The following SEM1 variants were observed in gnomAD, a reference collection of about 807,000 sequenced individuals.
SEM1 encodes SEM1 26S proteasome subunit.
Under a neutral mutation model 12.7 loss-of-function variants are expected in SEM1, and 3 were observed. The ratio of observed to expected loss-of-function variants is 0.24; its 90% CI spans 0.11 to 0.61. The LOEUF is 0.61. Among genes scored for constraint, SEM1 ranks in the 20% least tolerant of loss-of-function variants. The pLI is 0.88. For synonymous variants in SEM1, 30 were observed against 27.8 expected (o/e 1.08, Z -0.25); for missense variants, 59 against 81.3 (o/e 0.73, Z 1.06).
intron 1 of SEM1, among the ~76,000 whole-genome samples, chr7:96,488,971 GC>G (rs1477370078): frequency 2.0e-5 from 3 of 152,056 alleles, no homozygotes; most frequent in Non-Finnish European, 4.4e-5. Flanking sequence ...GCTGGGATGT[GC>G]GTACAGATAC....
At chr7:96,650,610 T>C (rs1445059489) in intron 2 of SEM1, 2 of 667,732 alleles carry the variant, frequency 3.0e-6, no homozygotes, top group African/African-American at 1.8e-5. Context: ...CTAAAAGACA[T>C]TACTTAGAAT....
intron 2 of SEM1, among the ~76,000 whole-genome samples, chr7:96,678,298 T>C (rs1276050344): frequency 6.6e-6 from 1 of 152,098 alleles, no homozygotes; most frequent in East Asian, 1.9e-4. Context: ...GTGGTAGAGG[T>C]AGATGCTTTT....
intron 2 of SEM1, among the ~76,000 whole-genome samples, chr7:96,635,556 T>C (rs955804185): frequency 2.6e-5 from 4 of 152,082 alleles, no homozygotes; most frequent in African/African-American, 9.7e-5. Context: ...CAGACAGGTA[T>C]TGAAGCAGAC....
chr7:96,655,693 C>T (rs1361597725), intron 2 of SEM1, among the ~76,000 whole-genome samples: 1 of 152,086 alleles, frequency 6.6e-6, no homozygotes, highest in Non-Finnish European at 1.5e-5. Flanking sequence ...CAAAACTGTC[C>T]CCATACCCCT....
chr7:96,662,507 TG>T (rs1482831885), intron 2 of SEM1, among the ~76,000 whole-genome samples: 1 of 151,962 alleles, frequency 6.6e-6, no homozygotes, highest in African/African-American at 2.4e-5. Flanking sequence ...CATCACACGC[TG>T]GGGCCTGTCA....
intron 2 of SEM1, among the ~76,000 whole-genome samples, chr7:96,532,422 T>C (rs1191441929): frequency 6.6e-6 from 1 of 152,164 alleles, no homozygotes; most frequent in Non-Finnish European, 1.5e-5. Flanking sequence ...GTTGTCTTCA[T>C]GGAGCATTAC....
chr7:96,543,504 TAA>T (rs1201441132), intron 2 of SEM1, among the ~76,000 whole-genome samples: 1 of 151,942 alleles, frequency 6.6e-6, no homozygotes, highest in African/African-American at 2.4e-5. Context: ...CAAATGTCTA[TAA>T]AATAAATATA....
intron 2 of SEM1, among the ~76,000 whole-genome samples, chr7:96,645,164 T>TATTC (rs1177522979): frequency 1.3e-5 from 2 of 152,312 alleles, no homozygotes; most frequent in East Asian, 3.9e-4. Flanking sequence ...AGGATTTAGA[T>TATTC]ATTCATTCAT....
chr7:96,652,658 TTTAGGA>T (rs1809037812), intron 2 of SEM1, among the ~76,000 whole-genome samples: 2 of 152,212 alleles, frequency 1.3e-5, no homozygotes, highest in Admixed American at 1.3e-4. Flanking sequence ...TCTAAGCTAC[TTTAGGA>T]AAACTTTCTT....
At chr7:96,544,596 G>A (rs1317419366) in intron 2 of SEM1, among the ~76,000 whole-genome samples, 1 of 151,948 alleles carries the variant, frequency 6.6e-6, no homozygotes, top group Non-Finnish European at 1.5e-5. Flanking sequence ...TGGGGGTTAG[G>A]AGTACTGACC....
chr7:96,605,739 C>T (rs1025382918), intron 2 of SEM1, among the ~76,000 whole-genome samples: 2 of 152,092 alleles, frequency 1.3e-5, no homozygotes, highest in African/African-American at 4.8e-5. Context: ...ACAGTAGTCC[C>T]CCATTATCCG....
At chr7:96,581,957 C>G (rs62471420) in intron 2 of SEM1, among the ~76,000 whole-genome samples, 46,769 of 150,938 alleles carry the variant, frequency 0.31, 7,285 homozygotes, top group Middle Eastern at 0.33. Context: ...TTTGAATACC[C>G]TTTATTTCCT....
intron 2 of SEM1, among the ~76,000 whole-genome samples, chr7:96,694,357 C>T (rs562606679): frequency 6.6e-6 from 1 of 151,930 alleles, no homozygotes; most frequent in African/African-American, 2.4e-5. Flanking sequence ...TGAATTTTAC[C>T]TCAATAAATA....
intron 3 of SEM1, among the ~76,000 whole-genome samples, chr7:96,503,107 T>C (rs1355874588): frequency 6.6e-6 from 1 of 152,142 alleles, no homozygotes; most frequent in Non-Finnish European, 1.5e-5. Flanking sequence ...ATTTCTCTAC[T>C]AGAAGCATAA....
intron 2 of SEM1, among the ~76,000 whole-genome samples, chr7:96,537,118 T>A (rs758154864): frequency 4.0e-5 from 6 of 151,780 alleles, no homozygotes; most frequent in Admixed American, 2.0e-4. Context: ...TAAACATTTT[T>A]AACTAATATA....
chr7:96,494,135 G>T (rs543474414), intron 1 of SEM1, among the ~76,000 whole-genome samples: 1 of 152,304 alleles, frequency 6.6e-6, no homozygotes, highest in African/African-American at 2.4e-5. Flanking sequence ...CGTAGTGGTT[G>T]TCAAATACCA....
intron 1 of SEM1, among the ~76,000 whole-genome samples, chr7:96,494,311 T>G (rs2117234863): frequency 6.6e-6 from 1 of 152,294 alleles, no homozygotes; most frequent in Non-Finnish European, 1.5e-5. Context: ...TTCCTGCTCT[T>G]CTCCTAAGCA....
At chr7:96,659,099 G>A (rs543863824) in intron 2 of SEM1, among the ~76,000 whole-genome samples, 14 of 152,138 alleles carry the variant, frequency 9.2e-5, no homozygotes, top group Admixed American at 2.0e-4. Flanking sequence ...GAAAGCCAGC[G>A]TGCAAAATCA....
At chr7:96,534,045 A>C (rs1261361090) in intron 2 of SEM1, among the ~76,000 whole-genome samples, 1 of 152,114 alleles carries the variant, frequency 6.6e-6, no homozygotes, top group African/African-American at 2.4e-5. Flanking sequence ...ATATACATCT[A>C]TGCAGATATC....
Sources: allele counts gnomAD v4.1 joint callset (sites outside exome capture counted in the v4.1 genomes callset), GRCh38; gene constraint gnomAD v4.1.1; transcripts MANE v1.5; gene names NCBI Gene and HGNC (gene_info 2026-07-23, HGNC 2026-07-21).